The following CTNNA2 variants were observed in gnomAD, a reference collection of about 807,000 sequenced individuals.
The protein encoded by CTNNA2 is catenin alpha 2.
Under a neutral mutation model 101.0 loss-of-function variants are expected in CTNNA2, and 42 were observed. The ratio of observed to expected loss-of-function variants is 0.42; its 90% CI spans 0.32 to 0.54. The LOEUF is 0.54. CTNNA2 is among the 20% of genes least tolerant of loss of function. CTNNA2 has a pLI of 0.14. For synonymous variants in CTNNA2, 450 were observed against 456.4 expected, an observed-to-expected ratio of 0.99 and a Z score of 0.18; for missense variants, 871 against 1,223.1, an observed-to-expected ratio of 0.71 and a Z score of 4.29.
chr2:79,249,406 C>T (rs1266432156), intron 2 of CTNNA2, among the ~76,000 whole-genome samples: 1 of 152,106 alleles, frequency 6.6e-6, no homozygotes, highest in East Asian at 1.9e-4. Flanking sequence ...CAGGAGTGAC[C>T]TCAGAATGTA....
intron 7 of CTNNA2, among the ~76,000 whole-genome samples, chr2:80,250,202 AGAGTGTGTGT>A (rs1671656256): frequency 7.0e-6 from 1 of 142,190 alleles, no homozygotes; most frequent in Non-Finnish European, 1.5e-5. Flanking sequence ...AGAGAGAGAG[AGAGTGTGTGT>A]GTGTGTGTGT....
intron 7 of CTNNA2, among the ~76,000 whole-genome samples, chr2:80,332,151 T>C (rs1671390703): frequency 6.6e-6 from 1 of 152,180 alleles, no homozygotes. Context: ...TTAGTTTACT[T>C]TTGGAAATTA....
At chr2:79,591,872 T>C (rs531925390) in intron 1 of CTNNA2, among the ~76,000 whole-genome samples, 1 of 151,740 alleles carries the variant, frequency 6.6e-6, no homozygotes, top group Admixed American at 6.6e-5. Flanking sequence ...TTTTGGAAGC[T>C]GTTTTATTTT....
chr2:80,437,759 G>A (rs1035737065), intron 9 of CTNNA2, among the ~76,000 whole-genome samples: 3 of 152,328 alleles, frequency 2.0e-5, no homozygotes, highest in Admixed American at 2.0e-4. Flanking sequence ...GGCACTTTGG[G>A]AGGCCAAGAC....
intron 13 of CTNNA2, among the ~76,000 whole-genome samples, chr2:80,578,277 TTC>T (rs1484579020): frequency 2.6e-5 from 4 of 152,184 alleles, no homozygotes; most frequent in African/African-American, 2.4e-5. Context: ...TTTAAATAGT[TTC>T]TGTTTATTGA....
intron 11 of CTNNA2, among the ~76,000 whole-genome samples, chr2:80,550,037 T>C (rs1359736221): frequency 6.6e-6 from 1 of 152,218 alleles, no homozygotes; most frequent in Admixed American, 6.5e-5. Flanking sequence ...CATGTCTATG[T>C]AAACAGGTAT....
chr2:79,976,020 C>T (rs1690814872), intron 7 of CTNNA2, among the ~76,000 whole-genome samples: 1 of 152,164 alleles, frequency 6.6e-6, no homozygotes. Flanking sequence ...CTTCTGGTGA[C>T]CAGCTCCCAA....
intron 7 of CTNNA2, among the ~76,000 whole-genome samples, chr2:80,141,409 G>A (rs1051270256): frequency 6.6e-6 from 1 of 152,074 alleles, no homozygotes; most frequent in Non-Finnish European, 1.5e-5. Context: ...GTGGAAGGCT[G>A]AGATAATCCA....
chr2:80,163,246 A>T, intron 7 of CTNNA2: 1 of 755,254 alleles, frequency 1.3e-6, no homozygotes. Flanking sequence ...ATATTGATTG[A>T]TTTTCCAATA....
chr2:80,506,230 G>C (rs1472569897), intron 9 of CTNNA2, among the ~76,000 whole-genome samples: 1 of 152,174 alleles, frequency 6.6e-6, no homozygotes, highest in East Asian at 1.9e-4. Flanking sequence ...TTACTGGTTA[G>C]AGGAGTCGAG....
At chr2:79,697,344 C>A (rs554387536) in intron 2 of CTNNA2, among the ~76,000 whole-genome samples, 1 of 152,132 alleles carries the variant, frequency 6.6e-6, no homozygotes, top group South Asian at 2.1e-4. Context: ...AGAGATGCAT[C>A]TCCATTTCTT....
intron 2 of CTNNA2, among the ~76,000 whole-genome samples, chr2:79,706,038 G>A (rs528613668): frequency 2.0e-5 from 3 of 152,210 alleles, no homozygotes; most frequent in South Asian, 2.1e-4. Flanking sequence ...AGGCATGGAA[G>A]AGCCGAAGGC....
At chr2:79,400,311 G>A (rs546031798) in intron 4 of CTNNA2, among the ~76,000 whole-genome samples, 89 of 152,016 alleles carry the variant, frequency 5.9e-4, no homozygotes, top group African/African-American at 1.9e-3. Flanking sequence ...AGTAGCTATC[G>A]TTTTTAGGAA....
At chr2:79,705,904 T>C (rs572040934) in intron 2 of CTNNA2, among the ~76,000 whole-genome samples, 1 of 152,142 alleles carries the variant, frequency 6.6e-6, no homozygotes, top group South Asian at 2.1e-4. Flanking sequence ...AATCAATAAG[T>C]AGTTAGAGAA....
At chr2:79,955,655 G>A (rs2104510250) in intron 7 of CTNNA2, among the ~76,000 whole-genome samples, 1 of 152,314 alleles carries the variant, frequency 6.6e-6, no homozygotes, top group Admixed American at 6.5e-5. Context: ...TGAACCACAG[G>A]CACATGCTAC....
chr2:79,986,702 T>G (rs931225302), intron 7 of CTNNA2, among the ~76,000 whole-genome samples: 7 of 152,088 alleles, frequency 4.6e-5, no homozygotes, highest in African/African-American at 1.7e-4. Flanking sequence ...TCCGTTCACC[T>G]TTTCCTCCAT....
intron 6 of CTNNA2, among the ~76,000 whole-genome samples, chr2:79,894,127 G>A (rs2104231862): frequency 6.7e-6 from 1 of 148,168 alleles, no homozygotes; most frequent in African/African-American, 2.5e-5. Context: ...TAAGCTAAAG[G>A]AACTACGTTT....
intron 7 of CTNNA2, among the ~76,000 whole-genome samples, chr2:79,959,773 C>T (rs768204636): frequency 9.9e-5 from 15 of 152,190 alleles, no homozygotes; most frequent in South Asian, 2.1e-4. Flanking sequence ...TTTCTTCTTG[C>T]GCAGAAAGCC....
chr2:80,227,464 A>C (rs1708953023), intron 7 of CTNNA2, among the ~76,000 whole-genome samples: 1 of 152,198 alleles, frequency 6.6e-6, no homozygotes, highest in East Asian at 1.9e-4. Flanking sequence ...CTCACGTTAC[A>C]ATCCACGCCC....
Sources: gnomAD v4.1 joint callset for allele counts (sites outside exome capture counted in the v4.1 genomes callset) on GRCh38, gnomAD v4.1.1 for gene constraint, MANE v1.5 for transcripts, NCBI Gene and HGNC (gene_info 2026-07-23, HGNC 2026-07-21) for gene names.